Variants in CLCF1 observed in about 807,000 individuals in gnomAD.
CLCF1 encodes cardiotrophin like cytokine factor 1, also known as cardiotrophin-like cytokine factor 1.
Under a neutral mutation model 21.2 loss-of-function variants are expected in CLCF1, and 10 were observed. That is an observed-to-expected ratio of 0.47 (90% CI 0.29 to 0.80). CLCF1 has a LOEUF of 0.80. Ranked by LOEUF, CLCF1 falls within the 30% of genes least tolerant of loss-of-function variation. The pLI is 0.09. For missense variants in CLCF1, 240 were observed against 293.4 expected, an observed-to-expected ratio of 0.82 and a Z score of 1.33; for synonymous variants, 115 against 120.5, an observed-to-expected ratio of 0.95 and a Z score of 0.30.
At chr11:67,369,632 C>T in intron 1 of CLCF1, 2 of 985,468 alleles carry the variant, frequency 2.0e-6, no homozygotes, top group South Asian at 9.4e-5. Context: ...GCGGCCCTCC[C>T]AGCCTTGAGG....
rs768834730 is a variant in CLCF1 at position 67,365,360 on chromosome 11, C to T, written c.454G>A (p.Ala152Thr). Residue 152 changes from alanine (A) to threonine (T), a missense_variant, in exon 3 of 3, where the codon GCA (alanine) becomes ACA (threonine). Physicochemically the swap from Ala to Thr is moderately conservative, Grantham distance 58. Coordinates refer to ENST00000312438, the MANE Select transcript of CLCF1 (RefSeq NM_013246.3). This position sits in a 1 kb window ranked among gnomAD's most constrained non-coding sequence, Gnocchi z 5.0. Reference protein sequence around the residue: ...GLLGSIAGVMAALGYPLPQPL... With the variant: ...GLLGSIAGVMTALGYPLPQPL... ...TGGGGCAGTGGGTAGCCCAGAGCTG[C>T]CATGACGCCCGCAATGCTGCCCAGC... is the stretch of plus-strand genomic sequence containing the variant. The T allele has an allele frequency of 1.8e-5, 29 of 1,613,030 alleles. No individual in the cohort carries two copies. In the Admixed American group the frequency reaches 4.3e-4, roughly 24 times the overall value.
At chr11:67,367,381 GA>G in intron 2 of CLCF1, 78 bp downstream of exon 2, 2 of 1,607,204 alleles carry the variant, frequency 1.2e-6, no homozygotes, top group Non-Finnish European at 1.7e-6. Context: ...TCATTTACCA[GA>G]ACCCTCCACG....
chr11:67,367,280 T>C (rs1862130777), intron 2 of CLCF1, among the ~76,000 whole-genome samples, 180 bp downstream of exon 2: 1 of 151,890 alleles, frequency 6.6e-6, no homozygotes, highest in Non-Finnish European at 1.5e-5. Flanking sequence ...GGGCCAGGGA[T>C]GGGGAAGTGG....
At chr11:67,368,385 A>G (rs1638569) in intron 1 of CLCF1, 45,976 of 985,088 alleles carry the variant, frequency 0.047, 2,513 homozygotes, top group African/African-American at 0.25. Context: ...ATCAGCCTGC[A>G]AGGGTGGGGA....
chr11:67,367,672 AC>A (rs1327636116), intron 1 of CLCF1, 46 bp from the exon 2 acceptor site: 9 of 1,523,854 alleles, frequency 5.9e-6, no homozygotes, highest in Non-Finnish European at 8.0e-6. Flanking sequence ...CCGGGCCCAC[AC>A]GGGGAAGCAG....
upstream of CLCF1, chr11:67,374,092 C>T (rs913784846): frequency 1.3e-5 from 13 of 986,060 alleles, no homozygotes; most frequent in African/African-American, 1.7e-5. Flanking sequence ...TCTGCCTCCT[C>T]ATCTCTAACC....
chr11:67,367,049 C>T (rs1052485291), intron 2 of CLCF1, among the ~76,000 whole-genome samples: 1 of 152,120 alleles, frequency 6.6e-6, no homozygotes, highest in African/African-American at 2.4e-5. Flanking sequence ...GGGTCCAGAG[C>T]AGCAGGGCCC....
intron 1 of CLCF1, chr11:67,367,863 T>C: frequency 2.0e-6 from 2 of 985,312 alleles, no homozygotes; most frequent in Non-Finnish European, 2.4e-6. Context: ...TATCAGTAGA[T>C]ACTTGAGAAT....
In CLCF1 at chr11:67,367,558, TGA is replaced by T. The variant is rs1238913364; in HGVS notation, c.83_84del (p.Leu28GlnfsTer17). On this transcript the variant is annotated frameshift_variant, in exon 2 of 3. Coordinates refer to ENST00000312438, the MANE Select transcript of CLCF1 (RefSeq NM_013246.3). LOFTEE classifies it high-confidence loss of function. ...VLWHLPAVPA[L>X]NRTGDPGPGP... ...CCAGGCCCTGGGTCCCCTGTGCGAT[TGA>T]GAGCTGGCACTGCAGGGAGGTGCCA... The T allele has an allele frequency of 6.2e-7, 1 of 1,613,308 alleles. No individual in the cohort carries two copies. Among genetic ancestry groups the T allele is most frequent in the Non-Finnish European group, 8.5e-7 (1 of 1,179,768 alleles).
At chr11:67,369,049 C>G (rs1021390776) in intron 1 of CLCF1, 2 of 983,490 alleles carry the variant, frequency 2.0e-6, no homozygotes, top group African/African-American at 3.5e-5. Flanking sequence ...AACGCTTTGC[C>G]CATGGTTAGG....
At chr11:67,370,008 G>A in intron 1 of CLCF1, 1 of 985,392 alleles carries the variant, frequency 1.0e-6, no homozygotes, top group East Asian at 1.1e-4. Context: ...TGTCGTTGCA[G>A]GCTGCGGGTG....
intron 1 of CLCF1, chr11:67,370,317 C>T (rs1380295320): frequency 2.0e-6 from 2 of 985,248 alleles, no homozygotes; most frequent in African/African-American, 3.5e-5. Context: ...CTCATCCATC[C>T]TCCCTCAGGC....
At chr11:67,370,800 T>A in intron 1 of CLCF1, 1 of 985,414 alleles carries the variant, frequency 1.0e-6, no homozygotes, top group Non-Finnish European at 1.2e-6. Flanking sequence ...GCCATGCAGA[T>A]GTGCCAGGGT....
Position 67,365,251 on chromosome 11 carries a change from A to T in CLCF1, c.563T>A (p.Leu188Gln). Residue 188 changes from leucine to glutamine, a missense_variant, in exon 3 of 3, where the codon CTG (leucine) becomes CAG (glutamine). Coordinates refer to ENST00000312438, the MANE Select transcript of CLCF1 (RefSeq NM_013246.3). This position sits in a 1 kb window ranked among gnomAD's most constrained non-coding sequence, Gnocchi z 5.0. Reference sequence around the variant, plus strand: ...CCACAGCCAGGTCTGCAGCTCCTTCAGCAGCCAGAAGTCGTCCATCTTCTG... The same window carrying T: ...CCACAGCCAGGTCTGCAGCTCCTTCTGCAGCCAGAAGTCGTCCATCTTCTG... The part of the protein sequence containing the change: ...FLQKMDDFWL[L>Q]KELQTWLWRS... 6.2e-7 allele frequency: 1 copy of T among 1,614,028 alleles called. No homozygotes were observed. Among genetic ancestry groups the T allele is most frequent in the Non-Finnish European group, 8.5e-7 (1 of 1,180,036 alleles).
chr11:67,370,547 AC>A (rs1247097046), intron 1 of CLCF1: 3 of 955,028 alleles, frequency 3.1e-6, no homozygotes, highest in Non-Finnish European at 2.4e-6. Flanking sequence ...ACAGCCCCCC[AC>A]CCCCGGCCAG....
rs1171777426 is a variant in CLCF1, at chr11:67,365,549, C to CA, written c.264dup (p.Val89CysfsTer2). On this transcript the variant is annotated frameshift_variant, in exon 3 of 3. Coordinates refer to ENST00000312438, the MANE Select transcript of CLCF1 (RefSeq NM_013246.3). LOFTEE classifies it high-confidence loss of function. The surrounding 1 kb of genome is among the most constrained non-coding windows in gnomAD (Gnocchi z 5.0). ...AGGCTTCGCCACACCTCCAAGTCAA[C>CA]AGTGGCCCTGGGCAGAGTCTCTGCC... 6.2e-7 allele frequency: 1 copy of CA among 1,613,986 alleles called. No individual in the cohort carries two copies.
intron 1 of CLCF1, chr11:67,368,526 G>A (rs1862164264): frequency 6.1e-6 from 6 of 985,250 alleles, no homozygotes; most frequent in Admixed American, 6.2e-5. Context: ...TGGGCAGTGG[G>A]GAAATATGCT....
chr11:67,370,544 C>T (rs1862208529), intron 1 of CLCF1: 1 of 984,634 alleles, frequency 1.0e-6, no homozygotes, highest in Non-Finnish European at 1.2e-6. Flanking sequence ...GCAACAGCCC[C>T]CCACCCCCGG....
Position 67,364,445 on chromosome 11 carries a change from C to T in CLCF1, c.*691G>A, listed in dbSNP as rs553178998. On this transcript the variant is annotated 3_prime_UTR_variant, in exon 3 of 3. Coordinates refer to ENST00000312438, the MANE Select transcript of CLCF1 (RefSeq NM_013246.3). ...GGGAAAGGGGGCAGAGAAGAGGCAC[C>T]GTAATACTGGAAGACAATTCGAGGC... The T allele has an allele frequency of 6.6e-6, 1 of 152,524 alleles. No individual in the cohort carries two copies. Among genetic ancestry groups the T allele is most frequent in the African/African-American group, 2.4e-5 (1 of 41,374 alleles). 9.4% of individuals were successfully genotyped at this position (152,524 alleles called of 1,614,324 possible). A position where few individuals can be genotyped will look rare whatever the true frequency, so the allele number is the denominator to read the frequency against.
Sources: allele counts gnomAD v4.1 joint callset (sites outside exome capture counted in the v4.1 genomes callset), GRCh38; gene constraint gnomAD v4.1.1; non-coding constraint Gnocchi (gnomAD v3.1); transcripts MANE v1.5; gene names NCBI Gene and HGNC (gene_info 2026-07-23, HGNC 2026-07-21).